HLX: variants seen among roughly 807,000 people sequenced by gnomAD.
HLX encodes the protein H2.0-like homeobox protein.
A neutral mutation model predicts 27.7 loss-of-function variants in HLX; 6 were observed. The observed-to-expected ratio is 0.22, with a 90% CI of 0.12 to 0.43. HLX has a LOEUF of 0.43. Among genes scored for constraint, HLX ranks in the 20% least tolerant of loss-of-function variants. HLX has a pLI of 1.00. For synonymous variants in HLX, 328 were observed against 293.8 expected (o/e 1.12, Z -1.19); for missense variants, 666 against 655.2 (o/e 1.02, Z -0.18).
intron 2 of HLX, chr1:220,881,891 C>A (rs1403030198): frequency 5.9e-6 from 3 of 505,178 alleles, no homozygotes; most frequent in Non-Finnish European, 1.1e-5. Flanking sequence ...CTGATGGCCA[C>A]GCATGAGGTT....
In HLX at chr1:220,879,767, C is replaced by T; in HGVS notation, c.-91C>T. On this transcript the variant is annotated 5_prime_UTR_variant, in exon 1 of 4. Transcript: ENST00000366903. ...GAAAGCGGATCGTCCTCGGCTGCCG[C>T]CGCCTTCTCCGGGACTCGCGCGCCC... 1 of 1,453,688 alleles carries T rather than the reference C, an allele frequency of 6.9e-7. No homozygotes were observed. Among genetic ancestry groups the T allele is most frequent in the Non-Finnish European group, 9.0e-7 (1 of 1,111,058 alleles). The allele number at this position is 1,453,688 out of a possible 1,614,324, so 90.0% of individuals were successfully genotyped here. A position where few individuals can be genotyped will look rare whatever the true frequency, so the allele number is the denominator to read the frequency against.
In HLX at chr1:220,879,604, G is replaced by C; in HGVS notation, c.-254G>C. ...AGCGCCCCTCGCTCTCATCCAGCCC[G>C]CGAGGAGTGCGGGCGCCGCGCCGCC... On this transcript the variant is annotated 5_prime_UTR_variant, in exon 1 of 4. Coordinates refer to ENST00000366903, the MANE Select transcript of HLX (RefSeq NM_021958.4). 2 of 546,538 alleles carry C rather than the reference G, an allele frequency of 3.7e-6. No individual in the cohort carries two copies. The highest frequency in any genetic ancestry group is 6.1e-6 in the Non-Finnish European group (2 of 326,370). 33.9% of individuals were successfully genotyped at this position (546,538 alleles called of 1,614,324 possible).
At position 220,880,468 on chromosome 1, in the gene HLX, G is replaced by A; in HGVS notation, c.592+19G>A. 6.2e-7 allele frequency: 1 copy of A among 1,613,028 alleles called. No individual in the cohort carries two copies. Among genetic ancestry groups the A allele is most frequent in the Non-Finnish European group, 8.5e-7 (1 of 1,179,934 alleles). ...CTGAGAGGTAGGTCTTGGGCGGGAG[G>A]CTGCAGGCCTCTGACCACTGACCCA... On this transcript the variant is annotated intron_variant, in intron 1 of 3. Coordinates refer to ENST00000366903, the MANE Select transcript of HLX (RefSeq NM_021958.4).
rs776566897 is a variant in HLX at position 220,880,100 on chromosome 1, G to T, written c.243G>T (p.Pro81=). 5.0e-6 allele frequency: 8 copies of T among 1,598,342 alleles called. No individual in the cohort carries two copies. The highest frequency in any genetic ancestry group is 3.3e-5 in the South Asian group (3 of 90,448). The change falls in exon 1 of 4, where the codon CCG becomes CCT. Residue 81 remains proline, a synonymous_variant. Transcript: ENST00000366903. ...CCGCGCACTTGGGCTCGGTTCACCCGCACGCCTCTTTCCAAGCGGCGGCCA... is the reference window on the plus strand; with the variant it reads ...CCGCGCACTTGGGCTCGGTTCACCCTCACGCCTCTTTCCAAGCGGCGGCCA... ...ALTAHLGSVH[P]HASFQAAARS...
In HLX at chr1:220,881,250, C is replaced by CA; in HGVS notation, c.650dup (p.Pro218AlafsTer14). ...CGCCGGGGTGCACCTCTCAGGCCTG[C>CA]AGCCCTCGGCCGGCCAGTTCTTCGC... On this transcript the variant is annotated frameshift_variant, in exon 2 of 4. Transcript: ENST00000366903. LOFTEE classifies it high-confidence loss of function. 1 of 1,614,156 alleles carries CA rather than the reference C, an allele frequency of 6.2e-7. No homozygotes were observed. The highest frequency in any genetic ancestry group is 8.5e-7 in the Non-Finnish European group (1 of 1,179,960).
At chr1:220,883,388 G>A (rs1476230525) in intron 3 of HLX, 1 of 152,576 alleles carries the variant, frequency 6.6e-6, no homozygotes, top group Non-Finnish European at 1.5e-5. Context: ...AGGGAAGCTG[G>A]AACTTGTGTG....
chr1:220,880,014 G>T lies in HLX; in HGVS notation c.157G>T (p.Gly53Cys). Residue 53 changes from glycine (G) to cysteine (C), a missense_variant, in exon 1 of 4, where the codon GGC (glycine) becomes TGC (cysteine). By Grantham distance (159) the Gly-to-Cys change is radical. Transcript: ENST00000366903. ...CTGCATCGCAGACATTCTGCACGCC[G>T]GCGTGGGGGATCTGGGGGCGGCCCC... ...SFCIADILHA[G>C]VGDLGAAPEG... 6.3e-7 allele frequency: 1 copy of T among 1,594,890 alleles called. No individual in the cohort carries two copies. The highest frequency in any genetic ancestry group is 2.2e-5 in the East Asian group (1 of 44,664).
Position 220,881,875 on chromosome 1 carries a change from G to A in HLX, c.773-289G>A, listed in dbSNP as rs552988397. On this transcript the variant is annotated intron_variant, in intron 2 of 3. Coordinates refer to ENST00000366903, the MANE Select transcript of HLX (RefSeq NM_021958.4). ...CAAGGGACATTTTTGTCTACTCTTC[G>A]TAGGCCTGATGGCCACGCATGAGGT... 3 of 460,418 alleles carry A rather than the reference G, an allele frequency of 6.5e-6. No homozygotes were observed. The East Asian group carries it at 1.4e-4, about 21-fold the overall frequency. 28.5% of individuals were successfully genotyped at this position (460,418 alleles called of 1,614,324 possible).
At chr1:220,880,630 A>G in intron 1 of HLX, 181 bp downstream of exon 1, 1 of 643,336 alleles carries the variant, frequency 1.6e-6, no homozygotes, top group Non-Finnish European at 2.7e-6. Flanking sequence ...TGTTCTATGT[A>G]AAACAAACAA....
rs376365352 is a variant in HLX, at chr1:220,884,709, T to A, written c.*5T>A. 3.4e-5 allele frequency: 54 copies of A among 1,607,800 alleles called. No homozygotes were observed. In the African/African-American group the frequency reaches 5.7e-4, roughly 17 times the overall value. On this transcript the variant is annotated 3_prime_UTR_variant, in exon 4 of 4. Transcript: ENST00000366903. The surrounding 1 kb of genome is among the most constrained non-coding windows in gnomAD (Gnocchi z 4.9). The stretch of plus-strand genomic sequence containing the variant: ...GGCGCGCTTGGCTGCTTATAGACTG[T>A]ACTAGGGCGGAGGGGATCCGGGCCT...
At position 220,882,342 on chromosome 1, in the gene HLX, C is replaced by A; in HGVS notation, c.951C>A (p.Asp317Glu). Residue 317 changes from aspartate to glutamate, a missense_variant, in exon 3 of 4, where the codon GAC becomes GAA. Transcript: ENST00000366903. Reference sequence around the variant, plus strand: ...TGGCGGCGATGCTGGGCCTCACGGACGCACAGGTAAGGCAGTTCTGGCTCC... The same window carrying A: ...TGGCGGCGATGCTGGGCCTCACGGAAGCACAGGTAAGGCAGTTCTGGCTCC... ...KQLAAMLGLTDAQVKVWFQNR... is the reference protein window; with the variant it reads ...KQLAAMLGLTEAQVKVWFQNR... The A allele has an allele frequency of 6.2e-7, 1 of 1,614,090 alleles. No homozygotes were observed. Among genetic ancestry groups the A allele is most frequent in the Non-Finnish European group, 8.5e-7 (1 of 1,179,990 alleles).
intron 2 of HLX, 187 bp downstream of exon 2, chr1:220,881,560 G>GA: frequency 1.5e-6 from 1 of 668,928 alleles, no homozygotes; most frequent in Non-Finnish European, 2.7e-6. Context: ...GGTTCCCCTT[G>GA]AAAAGGGGTA....
At position 220,884,074 on chromosome 1, in the gene HLX, G is replaced by A. The variant is rs990921349; in HGVS notation, c.958-121G>A. Reference sequence around the variant, plus strand: ...ACAGTGTCTGGTCCTTGGTAGAGTCGCCAAGTAAGCGTTGCTTTTTCACTC... The same window carrying A: ...ACAGTGTCTGGTCCTTGGTAGAGTCACCAAGTAAGCGTTGCTTTTTCACTC... On this transcript the variant is annotated intron_variant, in intron 3 of 3. Transcript: ENST00000366903. The surrounding 1 kb of genome is among the most constrained non-coding windows in gnomAD (Gnocchi z 4.9). The A allele has an allele frequency of 5.5e-5, 56 of 1,017,470 alleles. No homozygotes were observed. The highest frequency in any genetic ancestry group is 7.7e-5 in the Non-Finnish European group (51 of 661,646). The allele number at this position is 1,017,470 out of a possible 1,614,324, so 63.0% of individuals were successfully genotyped here. A position where few individuals can be genotyped will look rare whatever the true frequency, so the allele number is the denominator to read the frequency against.
chr1:220,883,855 T>G, intron 3 of HLX: 1 of 314,646 alleles, frequency 3.2e-6, no homozygotes. Context: ...CATAAAAAAA[T>G]TACATGGATT....
At chr1:220,881,518 GA>G in intron 2 of HLX, 145 bp downstream of exon 2, 1 of 769,016 alleles carries the variant, frequency 1.3e-6, no homozygotes, top group South Asian at 1.4e-5. Flanking sequence ...GAAACCGAAA[GA>G]TTTCTCAGCG....
At chr1:220,880,548 A>C in intron 1 of HLX, 99 bp downstream of exon 1, 1 of 1,277,880 alleles carries the variant, frequency 7.8e-7, no homozygotes, top group Non-Finnish European at 1.1e-6. Flanking sequence ...ACAATTAAGG[A>C]CAAATCGGTA....
chr1:220,881,548 A>C, intron 2 of HLX, 175 bp downstream of exon 2: 3 of 683,008 alleles, frequency 4.4e-6, no homozygotes, highest in Non-Finnish European at 7.8e-6. Context: ...CTCGCTTCGG[A>C]TGGTTCCCCT....
At chr1:220,882,417 G>A (rs1674477767) in intron 3 of HLX, 69 bp downstream of exon 3, 2 of 1,464,830 alleles carry the variant, frequency 1.4e-6, no homozygotes, top group Admixed American at 1.8e-5. Context: ...AGTCTGGTAG[G>A]TCCCCTCCAT....
chr1:220,880,483 C>T (rs1429267183), intron 1 of HLX, 34 bp downstream of exon 1: 1 of 1,610,422 alleles, frequency 6.2e-7, no homozygotes, highest in African/African-American at 1.3e-5. Context: ...AGGCCTCTGA[C>T]CACTGACCCA....
Sources: allele counts gnomAD v4.1 joint callset, GRCh38; gene constraint gnomAD v4.1.1; non-coding constraint Gnocchi (gnomAD v3.1); transcripts MANE v1.5; gene names NCBI Gene and HGNC (gene_info 2026-07-23, HGNC 2026-07-21).